SOD2: variants seen among roughly 807,000 people sequenced by gnomAD.
The protein encoded by SOD2 is superoxide dismutase [Mn], mitochondrial.
SOD2 carries 11 observed loss-of-function variants against 27.0 expected under a neutral mutation model. That is an observed-to-expected ratio of 0.41 (90% CI 0.26 to 0.67). SOD2 has a LOEUF of 0.67. SOD2 is among the 30% of genes least tolerant of loss of function. The probability of loss-of-function intolerance (pLI) is 0.34; values close to 1 mark genes in which losing one functional copy is unlikely to be tolerated. For missense variants in SOD2, 250 were observed against 274.5 expected (o/e 0.91, Z 0.63); for synonymous variants, 105 against 103.0 (o/e 1.02, Z -0.12).
upstream of SOD2, chr6:159,727,377 CGGG>C (rs1778239814): frequency 1.8e-4 from 96 of 536,164 alleles, no homozygotes; most frequent in Admixed American, 7.2e-4. Flanking sequence ...GGGAGGCTGG[CGGG>C]AGGCGGGAGG....
intron 1 of SOD2, chr6:159,736,428 A>T (rs1051325644): frequency 4.2e-6 from 3 of 719,796 alleles, no homozygotes; most frequent in African/African-American, 1.8e-5. Flanking sequence ...CCTTTATAAC[A>T]ATAATAGCAT....
intron 1 of SOD2, among the ~76,000 whole-genome samples, chr6:159,703,175 G>A (rs915881325): frequency 9.2e-5 from 14 of 152,216 alleles, no homozygotes; most frequent in East Asian, 5.8e-4. Context: ...TTAGCCAGGC[G>A]TGGTGGCGCA....
rs1258351418 is a variant in SOD2, at chr6:159,680,060, C to T, written c.*2433G>A. The T allele has an allele frequency of 6.6e-6, 1 of 152,222 alleles. No homozygotes were observed. Among genetic ancestry groups the T allele is most frequent in the African/African-American group, 2.4e-5 (1 of 41,460 alleles). The allele number at this position is 152,222 out of a possible 1,614,324, so 9.4% of individuals were successfully genotyped here. On this transcript the variant is annotated 3_prime_UTR_variant, in exon 5 of 5. Coordinates refer to ENST00000538183, the MANE Select transcript of SOD2 (RefSeq NM_000636.4). Reference sequence around the variant, plus strand: ...TAGTGAAGGAAAGAATGCTTCCTCACTCTCTCACCAGAAAGCCAAAGCAAA... The same window carrying T: ...TAGTGAAGGAAAGAATGCTTCCTCATTCTCTCACCAGAAAGCCAAAGCAAA...
chr6:159,702,850 GAAAAAAA>G (rs35570449), intron 1 of SOD2, among the ~76,000 whole-genome samples: 2 of 30,666 alleles, frequency 6.5e-5, no homozygotes, highest in African/African-American at 1.1e-4. Flanking sequence ...ACCCTATCTC[GAAAAAAA>G]AAAAAAAAAA....
rs1272663774 is a variant in SOD2 at position 159,674,904 on chromosome 6, G to A, written c.*7589C>T. On this transcript the variant is annotated 3_prime_UTR_variant, in exon 5 of 5. Transcript: ENST00000538183. ...GATAAGCAACTTCAGCAAAATCTCAGGATACAAAATCAATGTGCAAAAATC... is the reference window on the plus strand; with the variant it reads ...GATAAGCAACTTCAGCAAAATCTCAAGATACAAAATCAATGTGCAAAAATC... 19 of 152,138 alleles carry A rather than the reference G, an allele frequency of 1.2e-4. No homozygotes were observed. Among genetic ancestry groups the A allele is most frequent in the African/African-American group, 4.3e-4 (18 of 41,408 alleles). 9.4% of individuals were successfully genotyped at this position (152,138 alleles called of 1,614,324 possible).
At chr6:159,736,618 T>A in intron 1 of SOD2, 1 of 208,298 alleles carries the variant, frequency 4.8e-6, no homozygotes, top group East Asian at 1.0e-4. Flanking sequence ...CAGGTACATA[T>A]ATACAAATAA....
In SOD2 at chr6:159,692,905, G is replaced by A. The variant is rs566525987; in HGVS notation, c.24-42C>T. On this transcript the variant is annotated intron_variant, in intron 1 of 4. Transcript: ENST00000538183. ...ACAGCCCGGTCAGTCAGCGCCGCGG[G>A]ACCGTCTACGCAGGCTGGGCTGCCG... is the stretch of plus-strand genomic sequence containing the variant. 72 of 1,513,888 alleles carry A rather than the reference G, an allele frequency of 4.8e-5. 2 individuals carry two copies. In the South Asian group the frequency reaches 7.3e-4, roughly 15 times the overall value. The allele number at this position is 1,513,888 out of a possible 1,614,324, so 93.8% of individuals were successfully genotyped here. A position where few individuals can be genotyped will look rare whatever the true frequency, so the allele number is the denominator to read the frequency against.
chr6:159,694,131 G>A (rs1323228508), upstream of SOD2, among the ~76,000 whole-genome samples: 1 of 152,198 alleles, frequency 6.6e-6, no homozygotes, highest in Non-Finnish European at 1.5e-5. Flanking sequence ...TGTGTTTACA[G>A]TAACTCTGTG....
chr6:159,739,509 G>A (rs577971982), intron 1 of SOD2, among the ~76,000 whole-genome samples: 10 of 152,274 alleles, frequency 6.6e-5, no homozygotes, highest in Admixed American at 2.6e-4. Context: ...AATTTCTGCG[G>A]TTATCTTGTA....
At chr6:159,749,395 A>G, upstream of SOD2, 2 of 983,906 alleles carry the variant, frequency 2.0e-6, no homozygotes, top group Non-Finnish European at 2.4e-6. Flanking sequence ...TGCACTCTTG[A>G]TATTAAATTA....
rs937231730 is a variant in SOD2, at chr6:159,682,374, A to G, written c.*119T>C. 1 of 755,372 alleles carries G rather than the reference A, an allele frequency of 1.3e-6. No individual in the cohort carries two copies. Among genetic ancestry groups the G allele is most frequent in the East Asian group, 3.0e-5 (1 of 33,064 alleles). 46.8% of individuals were successfully genotyped at this position (755,372 alleles called of 1,614,324 possible). A position where few individuals can be genotyped will look rare whatever the true frequency, so the allele number is the denominator to read the frequency against. ...AGAACATTAAGTTGTTTATGAAATA[A>G]GTGACTAAGCAACATCAAGAAATGC... is the stretch of plus-strand genomic sequence containing the variant. On this transcript the variant is annotated 3_prime_UTR_variant, in exon 5 of 5. Coordinates refer to ENST00000538183, the MANE Select transcript of SOD2 (RefSeq NM_000636.4).
At chr6:159,694,163 TA>T (rs1294891329), upstream of SOD2, among the ~76,000 whole-genome samples, 1 of 152,190 alleles carries the variant, frequency 6.6e-6, no homozygotes, top group Non-Finnish European at 1.5e-5. Flanking sequence ...CAGGATAACA[TA>T]AAAGGACAAC....
chr6:159,682,477 G>A lies in SOD2; in HGVS notation c.*16C>T. 6.2e-7 allele frequency: 1 copy of A among 1,610,964 alleles called. No homozygotes were observed. Among genetic ancestry groups the A allele is most frequent in the Non-Finnish European group, 8.5e-7 (1 of 1,178,206 alleles). On this transcript the variant is annotated 3_prime_UTR_variant, in exon 5 of 5. Coordinates refer to ENST00000538183, the MANE Select transcript of SOD2 (RefSeq NM_000636.4). The stretch of plus-strand genomic sequence containing the variant: ...AGTCATAAAGAGCTTAACATACTCA[G>A]CATAACGATCGTGGTTTACTTTTTG...
upstream of SOD2, among the ~76,000 whole-genome samples, chr6:159,729,287 AG>A (rs1255920505): frequency 6.6e-6 from 1 of 152,200 alleles, no homozygotes; most frequent in African/African-American, 2.4e-5. Flanking sequence ...GACTGAAGAT[AG>A]TATTTTGGTT....
upstream of SOD2, chr6:159,748,853 A>G (rs1583102631): frequency 3.3e-6 from 4 of 1,215,964 alleles, no homozygotes; most frequent in East Asian, 1.3e-4. The surrounding 1 kb of genome is among the most constrained non-coding windows in gnomAD (Gnocchi z 5.6). Flanking sequence ...ATAGTGACTT[A>G]GAGACACTGT....
At chr6:159,720,163 T>C (rs1200418739) in intron 1 of SOD2, among the ~76,000 whole-genome samples, 2 of 151,852 alleles carry the variant, frequency 1.3e-5, no homozygotes, top group East Asian at 1.9e-4. Flanking sequence ...CCGGAGTAGC[T>C]GGGATTACAG....
rs1441689554 is a variant in SOD2, at chr6:159,673,249, C to G, written c.*9244G>C. On this transcript the variant is annotated 3_prime_UTR_variant, in exon 5 of 5. Transcript: ENST00000538183. ...GAATTCAGCTCTGCACCAAGCAGAC[C>G]TAATAGACATCTACAGAACTCTCCA... 1 of 152,134 alleles carries G rather than the reference C, an allele frequency of 6.6e-6. No individual in the cohort carries two copies. Among genetic ancestry groups the G allele is most frequent in the Non-Finnish European group, 1.5e-5 (1 of 68,032 alleles). 9.4% of individuals were successfully genotyped at this position (152,134 alleles called of 1,614,324 possible). A position where few individuals can be genotyped will look rare whatever the true frequency, so the allele number is the denominator to read the frequency against.
intron 1 of SOD2, chr6:159,727,032 T>C: frequency 8.1e-7 from 1 of 1,231,116 alleles, no homozygotes; most frequent in South Asian, 1.4e-5. Flanking sequence ...CAGCCGCAGG[T>C]GGCCCCGGCG....
At position 159,674,625 on chromosome 6, in the gene SOD2, C is replaced by T. The variant is rs1231466257; in HGVS notation, c.*7868G>A. On this transcript the variant is annotated 3_prime_UTR_variant, in exon 5 of 5. Transcript: ENST00000538183. ...AATAATAAGAGCTATCTATGACAAA[C>T]CCACAGCCAATATCAGACTGAATGG... 1.3e-5 allele frequency: 2 copies of T among 152,130 alleles called. No individual in the cohort carries two copies. Among genetic ancestry groups the T allele is most frequent in the African/African-American group, 2.4e-5 (1 of 41,420 alleles). The allele number at this position is 152,130 out of a possible 1,614,324, so 9.4% of individuals were successfully genotyped here.
Sources: allele counts gnomAD v4.1 joint callset (sites outside exome capture counted in the v4.1 genomes callset), GRCh38; gene constraint gnomAD v4.1.1; non-coding constraint Gnocchi (gnomAD v3.1); transcripts MANE v1.5; gene names NCBI Gene and HGNC (gene_info 2026-07-23, HGNC 2026-07-21).